The following COL11A1 variants were observed in gnomAD, a reference collection of about 807,000 sequenced individuals.
COL11A1 encodes the protein collagen alpha-1(XI) chain.
Under a neutral mutation model 265.2 loss-of-function variants are expected in COL11A1, and 74 were observed. The observed-to-expected ratio is 0.28, with a 90% CI of 0.23 to 0.34. The LOEUF (loss-of-function observed/expected upper bound fraction) is 0.34, where lower values mean the gene tolerates loss of function less well. Among genes scored for constraint, COL11A1 ranks in the 10% least tolerant of loss-of-function variants. COL11A1 has a pLI of 1.00. For synonymous variants in COL11A1, 816 were observed against 727.6 expected (o/e 1.12, Z -1.96); for missense variants, 2,165 against 2,263.6 (o/e 0.96, Z 0.88).
At chr1:102,884,409 C>T (rs573237172) in intron 63 of COL11A1, 2 of 152,304 alleles carry the variant, frequency 1.3e-5, no homozygotes, top group African/African-American at 4.8e-5. Flanking sequence ...AACTGTCTTG[C>T]TAAAACAATT....
chr1:103,040,294 A>T (rs992484343), intron 4 of COL11A1, among the ~76,000 whole-genome samples: 9 of 151,106 alleles, frequency 6.0e-5, no homozygotes, highest in Non-Finnish European at 1.2e-4. Context: ...TTATATATAG[A>T]CAGAGTTCAA....
rs770851098 is a variant in COL11A1 at position 103,108,124 on chromosome 1, C to T, written c.55G>A (p.Val19Ile). The T allele has an allele frequency of 4.3e-6, 7 of 1,613,838 alleles. No homozygotes were observed. Among genetic ancestry groups the T allele is most frequent in the East Asian group, 2.2e-5 (1 of 44,796 alleles). The change falls in exon 1 of 67, where the codon GTA (valine) becomes ATA (isoleucine). Residue 19 changes from valine to isoleucine, a missense_variant. By Grantham distance (29) the Val-to-Ile change is conservative. Coordinates refer to ENST00000370096, the MANE Select transcript of COL11A1 (RefSeq NM_001854.4). ...KTKRWLWDFT[V>I]TTLALTFLFQ... is the part of the protein sequence containing the mutation. ...AGGAAGGTCAATGCGAGGGTTGTTA[C>T]GGTGAAATCCCAGAGCCACCGTTTC...
intron 29 of COL11A1, 102 bp from the exon 30 acceptor site, chr1:102,987,842 T>C: frequency 5.8e-6 from 5 of 855,610 alleles, no homozygotes; most frequent in South Asian, 1.4e-5. Context: ...TATAATAAAC[T>C]CCATCTTGCC....
In COL11A1 at chr1:103,068,087, G is replaced by T. The variant is rs539900985; in HGVS notation, c.651+6531C>A. On this transcript the variant is annotated intron_variant, in intron 4 of 66. Transcript: ENST00000370096. ...GATAAGGAGAGATCACTGCACAGATGAGTTTATGAAGCCAGTATAACCCTA... is the reference window on the plus strand; with the variant it reads ...GATAAGGAGAGATCACTGCACAGATTAGTTTATGAAGCCAGTATAACCCTA... 1.2e-3 allele frequency among the ~76,000 whole-genome samples: 189 copies of T among 151,660 alleles called. 1 individual carries two copies. The highest frequency in any genetic ancestry group is 0.01 in the Middle Eastern group (3 of 294).
chr1:103,079,030 G>A (rs1441544918), intron 2 of COL11A1, among the ~76,000 whole-genome samples, 159 bp from the exon 3 acceptor site: 1 of 151,978 alleles, frequency 6.6e-6, no homozygotes, highest in Non-Finnish European at 1.5e-5. Context: ...CCTCCATTAA[G>A]GTTTCTCTTC....
intron 28 of COL11A1, among the ~76,000 whole-genome samples, chr1:102,990,133 C>T (rs746239198): frequency 6.6e-5 from 10 of 152,002 alleles, no homozygotes; most frequent in East Asian, 5.8e-4. Flanking sequence ...TGCAGTGAGC[C>T]GTGATTGTGC....
At chr1:102,991,882 G>A (rs1271585257) in intron 28 of COL11A1, among the ~76,000 whole-genome samples, 3 of 146,134 alleles carry the variant, frequency 2.1e-5, no homozygotes, top group Non-Finnish European at 3.0e-5. Flanking sequence ...TCACCATCCT[G>A]CCCAGGATGC....
Position 103,092,956 on chromosome 1 carries a change from G to A in COL11A1, c.107-9984C>T, listed in dbSNP as rs546435671. On this transcript the variant is annotated intron_variant, in intron 1 of 66. Transcript: ENST00000370096. ...TCAAGATAAATGAGTCCAGCATAAGGATCATTGTTCCAAAAACAAACAAAC... is the reference window on the plus strand; with the variant it reads ...TCAAGATAAATGAGTCCAGCATAAGAATCATTGTTCCAAAAACAAACAAAC... Among the ~76,000 whole-genome samples, 53 of 151,480 alleles carry A rather than the reference G, an allele frequency of 3.5e-4. 1 individual carries two copies. Among genetic ancestry groups the A allele is most frequent in the Admixed American group, 3.4e-3 (52 of 15,186 alleles).
chr1:102,899,777 T>C (rs1283447446), intron 54 of COL11A1, among the ~76,000 whole-genome samples: 2 of 152,158 alleles, frequency 1.3e-5, no homozygotes, highest in African/African-American at 2.4e-5. Context: ...GGGTTGGTGG[T>C]TGCAGAGAGT....
In COL11A1 at chr1:103,025,521, C is replaced by T. The variant is rs1382407581; in HGVS notation, c.990G>A (p.Glu330=). 1 of 1,603,758 alleles carries T rather than the reference C, an allele frequency of 6.2e-7. No homozygotes were observed. The highest frequency in any genetic ancestry group is 8.5e-7 in the Non-Finnish European group (1 of 1,170,968). The change falls in exon 7 of 67, where the codon GAG becomes GAA. Residue 330 remains glutamate (E), a splice_region_variant and synonymous_variant. Coordinates refer to ENST00000370096, the MANE Select transcript of COL11A1 (RefSeq NM_001854.4). ...EAPRHVSGTN[E]PNPVEEIFTE... ...ATTTAATACTGTCTATACGTATTACCTCATTTGTCCCAGAAACATGCCTAG... is the reference window on the plus strand; with the variant it reads ...ATTTAATACTGTCTATACGTATTACTTCATTTGTCCCAGAAACATGCCTAG...
At chr1:102,982,721 T>G (rs1663157767) in intron 31 of COL11A1, among the ~76,000 whole-genome samples, 1 of 152,008 alleles carries the variant, frequency 6.6e-6, no homozygotes, top group African/African-American at 2.4e-5. Flanking sequence ...TTGGGGAAAC[T>G]CAATGAAAAA....
chr1:103,004,599 T>G lies in COL11A1; in HGVS notation c.1899+9A>C. On this transcript the variant is annotated intron_variant, in intron 19 of 66. Transcript: ENST00000370096. ...TAAATATTTCTTAAGAAAAGAAGTA[T>G]TAACATACCCTCATTCCATCATCAC... The G allele has an allele frequency of 6.2e-7, 1 of 1,606,218 alleles. No homozygotes were observed. The highest frequency in any genetic ancestry group is 8.5e-7 in the Non-Finnish European group (1 of 1,175,670).
intron 66 of COL11A1, among the ~76,000 whole-genome samples, chr1:102,878,902 T>C (rs571044598): frequency 6.6e-6 from 1 of 152,298 alleles, no homozygotes; most frequent in African/African-American, 2.4e-5. Flanking sequence ...TTCACAACTA[T>C]AACACACAAG....
chr1:102,908,234 T>G (rs531049615), intron 54 of COL11A1, among the ~76,000 whole-genome samples: 1 of 152,224 alleles, frequency 6.6e-6, no homozygotes, highest in South Asian at 2.1e-4. Flanking sequence ...TTCTATTGTT[T>G]TTTCTTGCTA....
chr1:103,052,146 G>A (rs1970278), intron 4 of COL11A1, among the ~76,000 whole-genome samples: 26,818 of 92,468 alleles, frequency 0.29, 2,449 homozygotes, highest in East Asian at 0.41. Context: ...CTATGGCCTT[G>A]TCTCTACTCT....
chr1:103,015,183 T>A (rs899179757), intron 12 of COL11A1, among the ~76,000 whole-genome samples: 1 of 152,046 alleles, frequency 6.6e-6, no homozygotes, highest in Admixed American at 6.6e-5. Context: ...ACTTTGTTCA[T>A]TACATTGAAA....
chr1:102,970,144 A>T, intron 37 of COL11A1, 75 bp downstream of exon 37: 1 of 1,176,266 alleles, frequency 8.5e-7, no homozygotes, highest in Non-Finnish European at 1.3e-6. Context: ...TGTTCATAAT[A>T]AAGTAGCTTT....
At chr1:103,016,891 G>A (rs536058820) in intron 11 of COL11A1, among the ~76,000 whole-genome samples, 4 of 151,948 alleles carry the variant, frequency 2.6e-5, no homozygotes, top group African/African-American at 9.6e-5. Context: ...TACATTTTTA[G>A]ATCATTTATA....
chr1:102,910,882 TA>T (rs943346401), intron 54 of COL11A1, among the ~76,000 whole-genome samples: 1 of 125,382 alleles, frequency 8.0e-6, no homozygotes, highest in Non-Finnish European at 1.9e-5. Flanking sequence ...AGAAAAAAGA[TA>T]AAAAAAATGA....
Sources: allele counts gnomAD v4.1 joint callset (sites outside exome capture counted in the v4.1 genomes callset), GRCh38; gene constraint gnomAD v4.1.1; transcripts MANE v1.5; gene names NCBI Gene and HGNC (gene_info 2026-07-23, HGNC 2026-07-21).